The following OGDH variants were observed in gnomAD, a reference collection of about 807,000 sequenced individuals.
OGDH encodes 2-oxoglutarate dehydrogenase complex component E1.
OGDH carries 38 observed loss-of-function variants against 116.6 expected under a neutral mutation model. That is an observed-to-expected ratio of 0.33 (90% CI 0.25 to 0.43). The LOEUF is 0.43. Among genes scored for constraint, OGDH ranks in the 20% least tolerant of loss-of-function variants. OGDH has a pLI of 1.00. For missense variants in OGDH, 825 were observed against 1,357.2 expected (o/e 0.61, Z 6.16); for synonymous variants, 488 against 533.3 (o/e 0.92, Z 1.17).
At chr7:44,651,986 G>A (rs956283214) in intron 4 of OGDH, among the ~76,000 whole-genome samples, 6 of 152,028 alleles carry the variant, frequency 3.9e-5, no homozygotes, top group African/African-American at 1.5e-4. Context: ...TTACAGGAGT[G>A]AGCCACCGTG....
At chr7:44,625,443 G>T (rs562955716) in intron 2 of OGDH, among the ~76,000 whole-genome samples, 2 of 152,324 alleles carry the variant, frequency 1.3e-5, no homozygotes, top group South Asian at 4.1e-4. Context: ...CCTTGTGACA[G>T]AATTCCTTTA....
chr7:44,632,938 T>C lies in OGDH; in HGVS notation c.222+8373T>C, dbSNP rs143503769. Among the ~76,000 whole-genome samples, 706 of 151,836 alleles carry C rather than the reference T, an allele frequency of 4.6e-3. 6 individuals carry two copies. The highest frequency in any genetic ancestry group is 0.016 in the African/African-American group (660 of 41,414). On this transcript the variant is annotated intron_variant, in intron 2 of 22. Coordinates refer to ENST00000222673, the MANE Select transcript of OGDH (RefSeq NM_002541.4). ...AAAAATTTTGTTTAATGTCAGAAAT[T>C]GAAAGGGGAGAGAGATCAAAAATAC...
chr7:44,614,601 T>G (rs1784697720), intron 1 of OGDH, among the ~76,000 whole-genome samples: 1 of 152,136 alleles, frequency 6.6e-6, no homozygotes, highest in East Asian at 1.9e-4. Flanking sequence ...AAAGCTTTTT[T>G]CTTTTGCTTA....
At chr7:44,613,679 C>T (rs1292756111) in intron 1 of OGDH, among the ~76,000 whole-genome samples, 12 of 150,642 alleles carry the variant, frequency 8.0e-5, no homozygotes, top group South Asian at 2.1e-4. Flanking sequence ...TATTTTTAGT[C>T]GAGATGGGGT....
chr7:44,661,922 A>G (rs908957794), intron 4 of OGDH, among the ~76,000 whole-genome samples: 1 of 152,122 alleles, frequency 6.6e-6, no homozygotes, highest in Non-Finnish European at 1.5e-5. Flanking sequence ...ATCCTTTTAT[A>G]TAGCATTTTT....
chr7:44,659,814 C>T (rs188868311), intron 4 of OGDH, among the ~76,000 whole-genome samples: 1 of 152,192 alleles, frequency 6.6e-6, no homozygotes, highest in Admixed American at 6.5e-5. Context: ...CATTTGTGTC[C>T]TCTTTTTATT....
chr7:44,690,461 A>G (rs1788320189), intron 10 of OGDH, among the ~76,000 whole-genome samples: 1 of 152,258 alleles, frequency 6.6e-6, no homozygotes. Context: ...TTGGTGGTAT[A>G]GTGGTAAGTA....
At chr7:44,698,931 G>A (rs1788706345) in intron 18 of OGDH, among the ~76,000 whole-genome samples, 1 of 151,932 alleles carries the variant, frequency 6.6e-6, no homozygotes, top group Non-Finnish European at 1.5e-5. Flanking sequence ...GGATCATGAG[G>A]TCAGGAGTTT....
chr7:44,697,596 C>T lies in OGDH; in HGVS notation c.2180-8C>T. On this transcript the variant is annotated splice_region_variant and splice_polypyrimidine_tract_variant and intron_variant, in intron 16 of 22. Coordinates refer to ENST00000222673, the MANE Select transcript of OGDH (RefSeq NM_002541.4). This position sits in a 1 kb window ranked among gnomAD's most constrained non-coding sequence, Gnocchi z 6.0. ...GACATGGTTTTCTCCTTCCTTTGTC[C>T]CTTGTAGGCTTTGAGCTGGGCTTCG... The T allele has an allele frequency of 6.2e-7, 1 of 1,614,196 alleles. No homozygotes were observed. The highest frequency in any genetic ancestry group is 1.1e-5 in the South Asian group (1 of 91,090).
intron 9 of OGDH, among the ~76,000 whole-genome samples, chr7:44,679,389 A>C (rs1335711058): frequency 6.6e-6 from 1 of 152,196 alleles, no homozygotes; most frequent in Non-Finnish European, 1.5e-5. Flanking sequence ...TTACGTCCAC[A>C]TGCTGCTATC....
At chr7:44,638,997 C>T (rs757143877) in intron 2 of OGDH, among the ~76,000 whole-genome samples, 19 of 152,090 alleles carry the variant, frequency 1.2e-4, no homozygotes, top group Non-Finnish European at 2.2e-4. Context: ...GAAGGGGAAA[C>T]GCTCTCCCAG....
rs1788503033 is a variant in OGDH, at chr7:44,694,670, T to G, written c.1668+94T>G. ...AGGGCCAGTTCTCACTTTTGCCAGTTATGAGGATACACGTGAGAGGATGTG... is the reference window on the plus strand; with the variant it reads ...AGGGCCAGTTCTCACTTTTGCCAGTGATGAGGATACACGTGAGAGGATGTG... On this transcript the variant is annotated intron_variant, in intron 12 of 22. Transcript: ENST00000222673. This position sits in a 1 kb window ranked among gnomAD's most constrained non-coding sequence, Gnocchi z 4.2. 7.0e-7 allele frequency: 1 copy of G among 1,422,202 alleles called. No homozygotes were observed. Among genetic ancestry groups the G allele is most frequent in the Non-Finnish European group, 9.8e-7 (1 of 1,020,500 alleles). 88.1% of individuals were successfully genotyped at this position (1,422,202 alleles called of 1,614,324 possible).
chr7:44,642,644 C>T (rs1785995669), intron 2 of OGDH, among the ~76,000 whole-genome samples: 1 of 152,162 alleles, frequency 6.6e-6, no homozygotes, highest in Admixed American at 6.6e-5. Flanking sequence ...ATTTTAAAGG[C>T]CAGGTGCAGT....
chr7:44,611,060 G>A (rs1483853513), intron 1 of OGDH, among the ~76,000 whole-genome samples: 1 of 147,132 alleles, frequency 6.8e-6, no homozygotes, highest in Non-Finnish European at 1.5e-5. Flanking sequence ...TTTATCATAT[G>A]TATTTTTCTA....
rs541651345 is a variant in OGDH, at chr7:44,676,132, G to T, written c.1189G>T (p.Asp397Tyr). Residue 397 changes from aspartate (D) to tyrosine (Y), a missense_variant, in exon 9 of 23, where the codon GAC (aspartate) becomes TAC (tyrosine). Asp to Tyr is a radical substitution (Grantham distance 160). Coordinates refer to ENST00000222673, the MANE Select transcript of OGDH (RefSeq NM_002541.4). Reference sequence around the variant, plus strand: ...CAAAGCCGAACAGTTTTACTGTGGCGACACTGAAGGGAAAAAGGTAAGGCC... The same window carrying T: ...CAAAGCCGAACAGTTTTACTGTGGCTACACTGAAGGGAAAAAGGTAAGGCC... ...KTKAEQFYCG[D>Y]TEGKKVMSIL... 8 of 1,614,002 alleles carry T rather than the reference G, an allele frequency of 5.0e-6. No individual in the cohort carries two copies.
chr7:44,681,864 C>T lies in OGDH; in HGVS notation c.1335+16C>T, dbSNP rs372445595. 1.2e-6 allele frequency: 2 copies of T among 1,613,788 alleles called. No individual in the cohort carries two copies. Among genetic ancestry groups the T allele is most frequent in the African/African-American group, 2.7e-5 (2 of 74,928 alleles). ...CAACAACCAGGTACCTCACACCAGC[C>T]TGCGGCTTTGCTGCTCACATCAGTC... is the stretch of plus-strand genomic sequence containing the variant. On this transcript the variant is annotated intron_variant, in intron 10 of 22. Transcript: ENST00000222673.
At chr7:44,689,843 T>C (rs1788296260) in intron 10 of OGDH, among the ~76,000 whole-genome samples, 1 of 152,202 alleles carries the variant, frequency 6.6e-6, no homozygotes, top group Non-Finnish European at 1.5e-5. Context: ...ACAATTTTGG[T>C]GTCCTTGGAA....
rs1215753911 is a variant in OGDH at position 44,694,893 on chromosome 7, A to G, written c.1668+317A>G. 6.6e-6 allele frequency among the ~76,000 whole-genome samples: 1 copy of G among 152,162 alleles called. No homozygotes were observed. Among genetic ancestry groups the G allele is most frequent in the Non-Finnish European group, 1.5e-5 (1 of 68,026 alleles). On this transcript the variant is annotated intron_variant, in intron 12 of 22. Transcript: ENST00000222673. This position sits in a 1 kb window ranked among gnomAD's most constrained non-coding sequence, Gnocchi z 4.2. ...TGGTTGAGAGGTGGGTGGTGGATCC[A>G]GCTTGGTAAGGGGCCTGTTGTAATC...
chr7:44,659,372 T>C (rs1459101177), intron 4 of OGDH, among the ~76,000 whole-genome samples: 1 of 152,232 alleles, frequency 6.6e-6, no homozygotes, highest in Non-Finnish European at 1.5e-5. Flanking sequence ...TTTTGTACTA[T>C]CTTTGCTTTT....
Sources: allele counts gnomAD v4.1 joint callset (sites outside exome capture counted in the v4.1 genomes callset), GRCh38; gene constraint gnomAD v4.1.1; non-coding constraint Gnocchi (gnomAD v3.1); transcripts MANE v1.5; gene names NCBI Gene and HGNC (gene_info 2026-07-23, HGNC 2026-07-21).